The following UNC93A variants were observed in gnomAD, a reference collection of about 807,000 sequenced individuals.
UNC93A encodes the protein N-acetylglucosamine transporter UNC93A.
In UNC93A, 43 loss-of-function variants were observed where a neutral mutation model predicts 47.5. That is an observed-to-expected ratio of 0.91 (90% confidence interval 0.71 to 1.17). The LOEUF is 1.17. Among genes scored for constraint, UNC93A ranks in the 50% most tolerant of loss-of-function variants. UNC93A has a pLI of 0.00. For missense variants in UNC93A, 605 were observed against 577.6 expected (o/e 1.05, Z -0.49); for synonymous variants, 280 against 258.0 (o/e 1.09, Z -0.82).
intron 3 of UNC93A, among the ~76,000 whole-genome samples, 157 bp from the exon 4 acceptor site, chr6:167,297,788 A>G (rs1778129724): frequency 6.6e-6 from 1 of 152,012 alleles, no homozygotes. Context: ...ACTCGATCTA[A>G]ATCTATTTTG....
upstream of UNC93A, among the ~76,000 whole-genome samples, chr6:167,286,414 C>T (rs1435573528): frequency 6.6e-6 from 1 of 152,214 alleles, no homozygotes; most frequent in Non-Finnish European, 1.5e-5. Flanking sequence ...TGGAAACAAA[C>T]GGGGAAAATG....
chr6:167,297,992 C>T lies in UNC93A; in HGVS notation c.547C>T (p.Leu183=), dbSNP rs778844473. The change falls in exon 4 of 8, where the codon CTG becomes TTG. Residue 183 remains leucine (L), a synonymous_variant. Coordinates refer to ENST00000230256, the MANE Select transcript of UNC93A (RefSeq NM_018974.4). The part of the protein sequence containing the change: ...QLTSCGASDC[L]MATTTTNSTQ... ...CACGTCCTGTGGGGCCAGTGACTGC[C>T]TGATGGCCACCACAACCACCAACAG... 2 of 1,614,132 alleles carry T rather than the reference C, an allele frequency of 1.2e-6. No homozygotes were observed. The highest frequency in any genetic ancestry group is 2.2e-5 in the South Asian group (2 of 91,080).
At chr6:167,280,979 G>T (rs1422632521) in intron 1 of UNC93A, among the ~76,000 whole-genome samples, 1 of 152,102 alleles carries the variant, frequency 6.6e-6, no homozygotes, top group Non-Finnish European at 1.5e-5. Flanking sequence ...CTTTCCCTTA[G>T]CAAAACAAAC....
At chr6:167,305,440 G>T (rs183147842) in intron 5 of UNC93A, among the ~76,000 whole-genome samples, 1 of 152,178 alleles carries the variant, frequency 6.6e-6, no homozygotes, top group Non-Finnish European at 1.5e-5. Context: ...CCTTGAGGTC[G>T]CCCGTGATGG....
chr6:167,283,061 C>T (rs977052396), intron 1 of UNC93A, among the ~76,000 whole-genome samples: 4 of 152,154 alleles, frequency 2.6e-5, no homozygotes, highest in Admixed American at 6.5e-5. Context: ...GTTTCCCATT[C>T]AGACATTTAA....
chr6:167,315,866 A>T lies in UNC93A; in HGVS notation c.*414A>T. ...CTTTTAAACTTCTAACTCTACTTGG[A>T]TCAAAACCTCATACATTTTACAAAG... On this transcript the variant is annotated 3_prime_UTR_variant, in exon 8 of 8. Coordinates refer to ENST00000230256, the MANE Select transcript of UNC93A (RefSeq NM_018974.4). 1 of 176,644 alleles carries T rather than the reference A, an allele frequency of 5.7e-6. No individual in the cohort carries two copies. The highest frequency in any genetic ancestry group is 1.1e-5 in the Non-Finnish European group (1 of 89,124). The allele number at this position is 176,644 out of a possible 1,614,324, so 10.9% of individuals were successfully genotyped here.
At position 167,297,988 on chromosome 6, in the gene UNC93A, C is replaced by A; in HGVS notation, c.543C>A (p.Asp181Glu). 1 of 1,614,154 alleles carries A rather than the reference C, an allele frequency of 6.2e-7. No individual in the cohort carries two copies. Among genetic ancestry groups the A allele is most frequent in the Non-Finnish European group, 8.5e-7 (1 of 1,180,034 alleles). Reference sequence around the variant, plus strand: ...AGCTCACGTCCTGTGGGGCCAGTGACTGCCTGATGGCCACCACAACCACCA... The same window carrying A: ...AGCTCACGTCCTGTGGGGCCAGTGAATGCCTGATGGCCACCACAACCACCA... ...EEQLTSCGAS[D>E]CLMATTTTNS... Residue 181 changes from aspartate (D) to glutamate (E), a missense_variant, in exon 4 of 8, where the codon GAC becomes GAA. Physicochemically the swap from Asp to Glu is conservative, Grantham distance 45 (BLOSUM62 2). Coordinates refer to ENST00000230256, the MANE Select transcript of UNC93A (RefSeq NM_018974.4).
chr6:167,270,873 C>A (rs1783440367), upstream of UNC93A, among the ~76,000 whole-genome samples: 1 of 152,204 alleles, frequency 6.6e-6, no homozygotes, highest in Non-Finnish European at 1.5e-5. Context: ...TGGGTGCAGA[C>A]TCCCGGCCTC....
chr6:167,273,173 G>C lies in UNC93A; in HGVS notation c.-52+1715G>C, dbSNP rs572934189. On this transcript the variant is annotated intron_variant, in intron 1 of 3. Transcript: ENST00000503433. ...TTTCTGCTCTTTGCTCTGGTCCCAG[G>C]GAAGCAGGTCCTTTTACTCCTTTCC... Among the ~76,000 whole-genome samples the C allele has an allele frequency of 6.6e-5, 10 of 152,278 alleles. 1 individual carries two copies. The highest frequency in any genetic ancestry group is 2.6e-4 in the Admixed American group (4 of 15,298).
chr6:167,292,780 T>C (rs1783870180), intron 1 of UNC93A, among the ~76,000 whole-genome samples: 1 of 152,192 alleles, frequency 6.6e-6, no homozygotes, highest in African/African-American at 2.4e-5. Context: ...GTGTGCACTT[T>C]CTGGAAGGAG....
chr6:167,304,059 C>T lies in UNC93A; in HGVS notation c.766C>T (p.Arg256Cys), dbSNP rs772512090. Residue 256 changes from arginine (R) to cysteine (C), a missense_variant, in exon 5 of 8, where the codon CGT becomes TGT. Transcript: ENST00000230256. ...LSTFKLYRDK[R>C]LCLLILLPLY... ...GACTTTCAAGCTATATAGAGATAAA[C>T]GTCTGTGCCTCTTAATTCTGCTGCC... 6 of 1,614,054 alleles carry T rather than the reference C, an allele frequency of 3.7e-6. No homozygotes were observed. The highest frequency in any genetic ancestry group is 1.6e-4 in the Middle Eastern group (1 of 6,062).
chr6:167,274,232 G>T (rs999935974), intron 1 of UNC93A, among the ~76,000 whole-genome samples: 1 of 152,194 alleles, frequency 6.6e-6, no homozygotes, highest in Non-Finnish European at 1.5e-5. Context: ...ACCTCCCCAG[G>T]CCCCTTAGGT....
chr6:167,296,346 C>A (rs775906427), intron 3 of UNC93A, 85 bp downstream of exon 3: 2 of 1,396,430 alleles, frequency 1.4e-6, no homozygotes, highest in Non-Finnish European at 2.0e-6. Flanking sequence ...TTCAGTTGCA[C>A]ACCTGCCTTG....
Position 167,304,127 on chromosome 6 carries a change from C to T in UNC93A, c.834C>T (p.Tyr278=), listed in dbSNP as rs778504225. ...GLQQGFLSSE[Y]TRSYVTCTLG... is the part of the protein sequence containing the mutation. Reference sequence around the variant, plus strand: ...AGCAAGGATTCCTCTCCAGCGAATACACAAGGGTATGAACGAAAGTGAGGG... The same window carrying T: ...AGCAAGGATTCCTCTCCAGCGAATATACAAGGGTATGAACGAAAGTGAGGG... Residue 278 remains tyrosine (Y), a synonymous_variant, in exon 5 of 8, where the codon TAC becomes TAT. Transcript: ENST00000230256. The T allele has an allele frequency of 1.2e-6, 2 of 1,614,204 alleles. No individual in the cohort carries two copies. The highest frequency in any genetic ancestry group is 1.7e-6 in the Non-Finnish European group (2 of 1,180,046).
At chr6:167,280,996 A>G (rs1783622488) in intron 1 of UNC93A, among the ~76,000 whole-genome samples, 1 of 152,144 alleles carries the variant, frequency 6.6e-6, no homozygotes, top group Non-Finnish European at 1.5e-5. Context: ...AAACAAGCAA[A>G]TCAACCTATT....
chr6:167,296,270 A>G lies in UNC93A; in HGVS notation c.499+9A>G, dbSNP rs767112744. ...CCAGACTCCCAGCCAAGGTAAAAGG[A>G]AAAGGGGCAAGCAATTGTCTCCAAG... On this transcript the variant is annotated intron_variant, in intron 3 of 7. Coordinates refer to ENST00000230256, the MANE Select transcript of UNC93A (RefSeq NM_018974.4). 1.2e-6 allele frequency: 2 copies of G among 1,613,888 alleles called. No homozygotes were observed. Among genetic ancestry groups the G allele is most frequent in the South Asian group, 2.2e-5 (2 of 91,076 alleles).
rs138169980 is a variant in UNC93A at position 167,299,186 on chromosome 6, G to A, written c.625+1116G>A. On this transcript the variant is annotated intron_variant, in intron 4 of 7. Transcript: ENST00000230256. ...TATGCATGTACATATACATATACAC[G>A]TATATATTTCTATATGTATATATAT... 4.8e-3 allele frequency among the ~76,000 whole-genome samples: 596 copies of A among 125,434 alleles called. 9 individuals carry two copies. Among genetic ancestry groups the A allele is most frequent in the African/African-American group, 0.021 (563 of 26,812 alleles). The allele number at this position is 125,434 out of a possible 152,430, so 82.3% of individuals were successfully genotyped here.
intron 1 of UNC93A, among the ~76,000 whole-genome samples, chr6:167,277,891 T>C (rs1216813840): frequency 6.6e-6 from 1 of 152,048 alleles, no homozygotes; most frequent in African/African-American, 2.4e-5. Context: ...TGGTCCCAGC[T>C]GGCAGCTGAC....
At chr6:167,292,077 G>A (rs1278897464) in intron 1 of UNC93A, among the ~76,000 whole-genome samples, 1 of 152,128 alleles carries the variant, frequency 6.6e-6, no homozygotes, top group South Asian at 2.1e-4. Context: ...ATAGTTCCGT[G>A]AGCCCATGAA....
Sources: allele counts gnomAD v4.1 joint callset (sites outside exome capture counted in the v4.1 genomes callset), GRCh38; gene constraint gnomAD v4.1.1; transcripts MANE v1.5; gene names NCBI Gene and HGNC (gene_info 2026-07-23, HGNC 2026-07-21).